Variants in CAMK1D observed in about 807,000 individuals in gnomAD.
The protein encoded by CAMK1D is calcium/calmodulin dependent protein kinase ID.
CAMK1D carries 9 observed loss-of-function variants against 47.7 expected under a neutral mutation model. The ratio of observed to expected loss-of-function variants is 0.19; its 90% CI spans 0.11 to 0.33. The LOEUF is 0.33. Among genes scored for constraint, CAMK1D ranks in the 10% least tolerant of loss-of-function variants. The pLI is 1.00. For missense variants in CAMK1D, 291 were observed against 488.7 expected (o/e 0.60, Z 3.81); for synonymous variants, 184 against 184.9 (o/e 0.99, Z 0.04).
intron 4 of CAMK1D, among the ~76,000 whole-genome samples, 170 bp from the exon 5 acceptor site, chr10:12,769,503 G>T (rs548836999): frequency 6.6e-6 from 1 of 152,182 alleles, no homozygotes; most frequent in Non-Finnish European, 1.5e-5. Flanking sequence ...ACACTGTGCC[G>T]GGCGCTCTGC....
At chr10:12,707,485 G>T (rs1833767721) in intron 3 of CAMK1D, among the ~76,000 whole-genome samples, 1 of 152,124 alleles carries the variant, frequency 6.6e-6, no homozygotes, top group Non-Finnish European at 1.5e-5. Flanking sequence ...AGAGGTAGAG[G>T]GTCAAATAAA....
intron 8 of CAMK1D, among the ~76,000 whole-genome samples, chr10:12,816,880 A>C (rs1832818644): frequency 6.7e-6 from 1 of 149,284 alleles, no homozygotes; most frequent in Non-Finnish European, 1.5e-5. Flanking sequence ...CTCAAAAAAA[A>C]AAAAAAAAAA....
At chr10:12,671,430 T>C (rs1840613386) in intron 3 of CAMK1D, among the ~76,000 whole-genome samples, 1 of 152,026 alleles carries the variant, frequency 6.6e-6, no homozygotes, top group Non-Finnish European at 1.5e-5. Context: ...GAGCAACGTA[T>C]GGGGATTCCA....
At chr10:12,600,703 AGC>A (rs1838276249) in intron 2 of CAMK1D, among the ~76,000 whole-genome samples, 1 of 152,216 alleles carries the variant, frequency 6.6e-6, no homozygotes, top group Non-Finnish European at 1.5e-5. Context: ...GTGAATTCTG[AGC>A]TTTTGGTGTA....
Position 12,830,922 on chromosome 10 carries a change from AAT to A in CAMK1D, c.*2037_*2038del, listed in dbSNP as rs1833406426. On this transcript the variant is annotated 3_prime_UTR_variant, in exon 11 of 11. Transcript: ENST00000619168. ...TTGAGTGATGCCCCCCCACCCTCTC[AAT>A]AAACACACACACACACACACACACA... is the stretch of plus-strand genomic sequence containing the variant. The A allele has an allele frequency of 1.4e-5, 1 of 72,134 alleles. No homozygotes were observed. The highest frequency in any genetic ancestry group is 2.7e-5 in the Non-Finnish European group (1 of 37,590). 4.5% of individuals were successfully genotyped at this position (72,134 alleles called of 1,614,324 possible).
At chr10:12,540,955 G>A (rs985013382) in intron 1 of CAMK1D, among the ~76,000 whole-genome samples, 1 of 148,132 alleles carries the variant, frequency 6.8e-6, no homozygotes, top group African/African-American at 2.5e-5. Context: ...AAAGAATTTC[G>A]ATACTTTTAG....
chr10:12,636,681 G>A (rs893818255), intron 2 of CAMK1D, among the ~76,000 whole-genome samples: 3 of 152,144 alleles, frequency 2.0e-5, no homozygotes, highest in African/African-American at 7.2e-5. Flanking sequence ...TGAATAACTT[G>A]TTTGAAGTTA....
In CAMK1D at chr10:12,473,020, G is replaced by A. The variant is rs147116260; in HGVS notation, c.93-80205G>A. ...AGCAGAAACACAGAGGAAAGTGAGC[G>A]TATGCCTGACCGGAAGTCAGGAAAG... On this transcript the variant is annotated intron_variant, in intron 1 of 10. Transcript: ENST00000619168. 2.3e-3 allele frequency among the ~76,000 whole-genome samples: 354 copies of A among 152,284 alleles called. 1 individual carries two copies. Among genetic ancestry groups the A allele is most frequent in the African/African-American group, 8.1e-3 (336 of 41,548 alleles).
At chr10:12,778,824 A>G (rs1377977638) in intron 5 of CAMK1D, among the ~76,000 whole-genome samples, 1 of 152,108 alleles carries the variant, frequency 6.6e-6, no homozygotes, top group African/African-American at 2.4e-5. Context: ...GGCGAACTAT[A>G]AGCACACCAC....
chr10:12,801,341 CTATCTATCTATCT>C lies in CAMK1D; in HGVS notation c.641+10122_641+10134del, dbSNP rs1194577027. On this transcript the variant is annotated intron_variant, in intron 6 of 10. Transcript: ENST00000619168. The stretch of plus-strand genomic sequence containing the variant: ...TCTATCTATCTATCTATCTATCTAT[CTATCTATCTATCT>C]TATCTATCTATCTATCTATCTATCT... Among the ~76,000 whole-genome samples the C allele has an allele frequency of 3.7e-3, 355 of 95,150 alleles. 1 individual carries two copies. Among genetic ancestry groups the C allele is most frequent in the Middle Eastern group, 0.016 (3 of 186 alleles). The allele number at this position is 95,150 out of a possible 152,430, so 62.4% of individuals were successfully genotyped here. A position where few individuals can be genotyped will look rare whatever the true frequency, so the allele number is the denominator to read the frequency against.
chr10:12,367,564 A>T (rs1837873169), intron 1 of CAMK1D, among the ~76,000 whole-genome samples: 1 of 152,086 alleles, frequency 6.6e-6, no homozygotes, highest in Admixed American at 6.6e-5. Flanking sequence ...AATCAGTGCG[A>T]GGCCCTGTGC....
Position 12,476,573 on chromosome 10 carries a change from A to G in CAMK1D, c.93-76652A>G, listed in dbSNP as rs576258272. Among the ~76,000 whole-genome samples the G allele has an allele frequency of 1.1e-4, 17 of 152,342 alleles. 1 individual carries two copies. The South Asian group carries it at 1.9e-3, about 17-fold the overall frequency. ...AGATCCTTACTCAGCGAAGATCATT[A>G]TATTTCCTTACAAAAATTTCTCTTA... is the stretch of plus-strand genomic sequence containing the variant. On this transcript the variant is annotated intron_variant, in intron 1 of 10. Transcript: ENST00000619168.
chr10:12,566,401 A>G (rs1837125949), intron 2 of CAMK1D, among the ~76,000 whole-genome samples: 1 of 152,122 alleles, frequency 6.6e-6, no homozygotes, highest in South Asian at 2.1e-4. Context: ...CATAGACCCA[A>G]CACTGCTGCA....
chr10:12,765,958 CTTTTTTTT>C (rs147498267), intron 4 of CAMK1D, among the ~76,000 whole-genome samples: 2 of 86,506 alleles, frequency 2.3e-5, no homozygotes, highest in African/African-American at 9.3e-5. Flanking sequence ...CCATCCTAAT[CTTTTTTTT>C]TTTTTTTTTT....
chr10:12,532,349 G>A (rs989686888), intron 1 of CAMK1D, among the ~76,000 whole-genome samples: 7 of 150,160 alleles, frequency 4.7e-5, no homozygotes, highest in Non-Finnish European at 8.9e-5. Context: ...GCGGGATCTC[G>A]GCTCACTGCA....
chr10:12,386,126 T>C (rs938948429), intron 1 of CAMK1D, among the ~76,000 whole-genome samples: 1 of 152,228 alleles, frequency 6.6e-6, no homozygotes, highest in Non-Finnish European at 1.5e-5. Flanking sequence ...TTCTGTGGAA[T>C]ATTTCCTATG....
Position 12,606,616 on chromosome 10 carries a change from C to G in CAMK1D, c.224+53260C>G, listed in dbSNP as rs371644815. 1.5e-4 allele frequency among the ~76,000 whole-genome samples: 23 copies of G among 152,294 alleles called. 1 individual carries two copies. The highest frequency in any genetic ancestry group is 1.2e-3 in the Admixed American group (18 of 15,300). The stretch of plus-strand genomic sequence containing the variant: ...CCCATGCCTAGAACCAGGGGTTGCA[C>G]GTGCTCATTTCTCTCCTGCCGTATG... On this transcript the variant is annotated intron_variant, in intron 2 of 10. Transcript: ENST00000619168.
At chr10:12,552,801 A>G (rs2768341) in intron 1 of CAMK1D, among the ~76,000 whole-genome samples, 149,096 of 152,340 alleles carry the variant, frequency 0.98, 72,972 homozygotes, top group East Asian at 0.99. Context: ...GAGTGCAGCG[A>G]CACGATCTCG....
At chr10:12,768,073 A>T (rs536579379) in intron 4 of CAMK1D, among the ~76,000 whole-genome samples, 1 of 152,246 alleles carries the variant, frequency 6.6e-6, no homozygotes, top group East Asian at 1.9e-4. Flanking sequence ...GGGTTTCGCC[A>T]TGTTGATCAG....
Sources: gnomAD v4.1 joint callset for allele counts (sites outside exome capture counted in the v4.1 genomes callset) on GRCh38, gnomAD v4.1.1 for gene constraint, MANE v1.5 for transcripts, NCBI Gene and HGNC (gene_info 2026-07-23, HGNC 2026-07-21) for gene names.